The following NUSAP1 variants were observed in gnomAD, a reference collection of about 807,000 sequenced individuals.
NUSAP1 encodes nucleolar and spindle associated protein 1, also known as nucleolar and spindle-associated protein 1.
A neutral mutation model predicts 52.8 loss-of-function variants in NUSAP1; 32 were observed. The observed-to-expected ratio is 0.61, with a 90% CI of 0.46 to 0.81. The LOEUF is 0.81. Ranked by LOEUF, NUSAP1 falls within the 40% of genes least tolerant of loss-of-function variation. The pLI, the probability that NUSAP1 is intolerant of heterozygous loss-of-function variation, is 0.00. For missense variants in NUSAP1, 499 were observed against 522.3 expected, an observed-to-expected ratio of 0.96 and a Z score of 0.43; for synonymous variants, 195 against 183.1, an observed-to-expected ratio of 1.06 and a Z score of -0.52.
At chr15:41,343,662 T>G (rs1250778849) in intron 2 of NUSAP1, among the ~76,000 whole-genome samples, 1 of 151,180 alleles carries the variant, frequency 6.6e-6, no homozygotes, top group Admixed American at 6.6e-5. Flanking sequence ...CCCATTTTCT[T>G]GTATTTTTAG....
intron 1 of NUSAP1, among the ~76,000 whole-genome samples, chr15:41,334,214 G>A (rs1386826830): frequency 6.6e-6 from 1 of 152,142 alleles, no homozygotes; most frequent in East Asian, 1.9e-4. Context: ...CGCCTCCTGG[G>A]TTCAAGCGAT....
At chr15:41,378,066 A>G (rs1567081018) in intron 10 of NUSAP1, among the ~76,000 whole-genome samples, 2 of 152,064 alleles carry the variant, frequency 1.3e-5, no homozygotes, top group African/African-American at 4.8e-5. Context: ...TGGACTCCAA[A>G]TCAGCAGATT....
chr15:41,333,114 C>G, intron 1 of NUSAP1, 64 bp downstream of exon 1: 1 of 1,278,624 alleles, frequency 7.8e-7, no homozygotes, highest in Non-Finnish European at 1.1e-6. Flanking sequence ...CGGGGAGATG[C>G]GGTGCGAAGG....
rs543389692 is a variant in NUSAP1, at chr15:41,346,656, A to G, written c.163-2442A>G. Among the ~76,000 whole-genome samples, 4 of 151,076 alleles carry G rather than the reference A, an allele frequency of 2.6e-5. 1 individual carries two copies. The East Asian group carries it at 7.9e-4, about 30-fold the overall frequency. On this transcript the variant is annotated intron_variant, in intron 2 of 10. Coordinates refer to ENST00000559596, the MANE Select transcript of NUSAP1 (RefSeq NM_016359.5). ...ATCCTGGCCAAAATGGTGAAACCCC[A>G]TCTTTACTAAAAATACAAAAATTAG... is the stretch of plus-strand genomic sequence containing the variant.
chr15:41,365,268 C>A, intron 6 of NUSAP1, 134 bp from the exon 7 acceptor site: 1 of 604,722 alleles, frequency 1.7e-6, no homozygotes, highest in Non-Finnish European at 2.7e-6. Flanking sequence ...GTGATTCTCC[C>A]GCCTCAGCCT....
chr15:41,349,121 C>T lies in NUSAP1; in HGVS notation c.186C>T (p.Ser62=). Residue 62 remains serine (S), a synonymous_variant, in exon 3 of 11, where the codon TCC becomes TCT. Coordinates refer to ENST00000559596, the MANE Select transcript of NUSAP1 (RefSeq NM_016359.5). ...ENQDESQTSA[S]SCDETEIQIS... Reference sequence around the variant, plus strand: ...AGGATGAAAGTCAAACTTCTGCATCCTCTTGTGATGAGACTGAGATACAGA... The same window carrying T: ...AGGATGAAAGTCAAACTTCTGCATCTTCTTGTGATGAGACTGAGATACAGA... 6.2e-7 allele frequency: 1 copy of T among 1,613,814 alleles called. No individual in the cohort carries two copies. The highest frequency in any genetic ancestry group is 1.3e-5 in the African/African-American group (1 of 75,036).
At chr15:41,358,326 A>G (rs1567058184) in intron 6 of NUSAP1, 68 bp downstream of exon 6, 1 of 728,870 alleles carries the variant, frequency 1.4e-6, no homozygotes, top group Non-Finnish European at 2.4e-6. Context: ...ACTATATAAC[A>G]CCGTGGTTAC....
chr15:41,345,935 TC>T (rs1450720753), intron 2 of NUSAP1, among the ~76,000 whole-genome samples: 2 of 152,196 alleles, frequency 1.3e-5, no homozygotes, highest in African/African-American at 4.8e-5. Flanking sequence ...TTGTTTTTGC[TC>T]TTTATCAACC....
At chr15:41,358,660 G>C (rs544873166) in intron 6 of NUSAP1, among the ~76,000 whole-genome samples, 1 of 152,262 alleles carries the variant, frequency 6.6e-6, no homozygotes, top group African/African-American at 2.4e-5. Context: ...ACTTGAACCA[G>C]GAGGCCAACA....
chr15:41,372,987 C>A (rs1250505383), intron 8 of NUSAP1, among the ~76,000 whole-genome samples: 1 of 151,592 alleles, frequency 6.6e-6, no homozygotes, highest in Non-Finnish European at 1.5e-5. Flanking sequence ...ACTCAAGAGG[C>A]TGAGGTAGGA....
At chr15:41,374,116 T>C (rs569439968) in intron 8 of NUSAP1, among the ~76,000 whole-genome samples, 31 of 152,346 alleles carry the variant, frequency 2.0e-4, no homozygotes, top group African/African-American at 7.0e-4. Context: ...AATTATTGTT[T>C]TCCCCTTTTC....
Position 41,380,216 on chromosome 15 carries a change from G to A in NUSAP1, c.*30G>A, listed in dbSNP as rs775949981. 6.9e-7 allele frequency: 1 copy of A among 1,457,668 alleles called. No individual in the cohort carries two copies. The allele number at this position is 1,457,668 out of a possible 1,614,324, so 90.3% of individuals were successfully genotyped here. On this transcript the variant is annotated 3_prime_UTR_variant, in exon 11 of 11. Transcript: ENST00000559596. ...TTTTTAACATCTTGTAAATATTCCT[G>A]TATTCTCAACTTTTTTCCTTTTGTA...
Position 41,342,378 on chromosome 15 carries a change from T to C in NUSAP1, c.94-8T>C. 1 of 1,572,248 alleles carries C rather than the reference T, an allele frequency of 6.4e-7. No individual in the cohort carries two copies. Among genetic ancestry groups the C allele is most frequent in the Non-Finnish European group, 8.7e-7 (1 of 1,153,286 alleles). On this transcript the variant is annotated splice_polypyrimidine_tract_variant and splice_region_variant and intron_variant, in intron 1 of 10. Transcript: ENST00000559596. Reference sequence around the variant, plus strand: ...CTTTTGGCTCTAATAATAAGGTCTCTCTTGCAGGCAACCAAGTTGTTAAAA... The same window carrying C: ...CTTTTGGCTCTAATAATAAGGTCTCCCTTGCAGGCAACCAAGTTGTTAAAA...
In NUSAP1 at chr15:41,357,602, C is replaced by G. The variant is rs980345663; in HGVS notation, c.551-547C>G. Among the ~76,000 whole-genome samples the G allele has an allele frequency of 2.0e-5, 3 of 151,882 alleles. No homozygotes were observed. The East Asian group carries it at 5.9e-4, about 30-fold the overall frequency. On this transcript the variant is annotated intron_variant, in intron 5 of 10. Coordinates refer to ENST00000559596, the MANE Select transcript of NUSAP1 (RefSeq NM_016359.5). ...GGGATTACAGGCGTGCGCCACCACACCTGGCTAATTTTTGTATTTTTAGTA... is the reference window on the plus strand; with the variant it reads ...GGGATTACAGGCGTGCGCCACCACAGCTGGCTAATTTTTGTATTTTTAGTA...
At chr15:41,354,590 C>CT (rs2048892914) in intron 4 of NUSAP1, among the ~76,000 whole-genome samples, 1 of 151,668 alleles carries the variant, frequency 6.6e-6, no homozygotes, top group South Asian at 2.1e-4. Context: ...TTTTCTTTGG[C>CT]TGATTGGATT....
rs77815859 is a variant in NUSAP1, at chr15:41,376,234, G to GA, written c.1123+414dup. On this transcript the variant is annotated intron_variant, in intron 9 of 10. Coordinates refer to ENST00000559596, the MANE Select transcript of NUSAP1 (RefSeq NM_016359.5). ...AACATGGTGAAACCCCGTCTCTTCT[G>GA]AAAAAAAATAAGAAAATTAGCCTGG... 5.7e-4 allele frequency among the ~76,000 whole-genome samples: 85 copies of GA among 149,620 alleles called. No homozygotes were observed. The East Asian group carries it at 0.015, about 26-fold the overall frequency.
At chr15:41,336,646 T>C (rs74012265) in intron 1 of NUSAP1, among the ~76,000 whole-genome samples, 1,761 of 141,746 alleles carry the variant, frequency 0.012, 39 homozygotes, top group African/African-American at 0.047. Context: ...CTCCTCCTTT[T>C]GGTTTTTTTT....
At chr15:41,349,373 A>G (rs751608397) in intron 3 of NUSAP1, 132 bp downstream of exon 3, 13 of 890,262 alleles carry the variant, frequency 1.5e-5, no homozygotes, top group Non-Finnish European at 2.0e-5. Flanking sequence ...AGCTCCATGA[A>G]AGCCCAGACC....
chr15:41,345,648 G>A (rs185455717), intron 2 of NUSAP1: 11 of 263,872 alleles, frequency 4.2e-5, no homozygotes, highest in African/African-American at 1.4e-4. Flanking sequence ...TAGTAGAGAC[G>A]GGGTTTCACA....
Sources: gnomAD v4.1 joint callset for allele counts (sites outside exome capture counted in the v4.1 genomes callset) on GRCh38, gnomAD v4.1.1 for gene constraint, MANE v1.5 for transcripts, NCBI Gene and HGNC (gene_info 2026-07-23, HGNC 2026-07-21) for gene names.